The following EFCAB11 variants were observed in gnomAD, a reference collection of about 807,000 sequenced individuals.
EFCAB11 encodes the protein EF-hand calcium-binding domain-containing protein 11.
A neutral mutation model predicts 23.0 loss-of-function variants in EFCAB11; 14 were observed. That is an observed-to-expected ratio of 0.61 (90% CI 0.40 to 0.95). The LOEUF (loss-of-function observed/expected upper bound fraction) is 0.95. Ranked by LOEUF, EFCAB11 falls within the 40% of genes least tolerant of loss-of-function variation. The pLI is 0.00. For synonymous variants in EFCAB11, 65 were observed against 66.6 expected, an observed-to-expected ratio of 0.98 and a Z score of 0.11; for missense variants, 198 against 195.8, an observed-to-expected ratio of 1.01 and a Z score of -0.07.
At chr14:89,843,802 ACATTT>A (rs1887346082) in intron 5 of EFCAB11, among the ~76,000 whole-genome samples, 1 of 152,246 alleles carries the variant, frequency 6.6e-6, no homozygotes, top group Non-Finnish European at 1.5e-5. Context: ...AAACGTTAGC[ACATTT>A]CATTATACAC....
chr14:89,847,641 A>C, intron 5 of EFCAB11, among the ~76,000 whole-genome samples: 1 of 151,356 alleles, frequency 6.6e-6, no homozygotes, highest in African/African-American at 2.4e-5. Context: ...CAGGAGGCTG[A>C]GACAGGAGAA....
chr14:89,951,883 C>A (rs1486196562), intron 2 of EFCAB11, among the ~76,000 whole-genome samples: 1 of 152,118 alleles, frequency 6.6e-6, no homozygotes, highest in Non-Finnish European at 1.5e-5. Context: ...CTAGATCACG[C>A]CACTACACTC....
intron 5 of EFCAB11, among the ~76,000 whole-genome samples, chr14:89,858,748 C>T (rs1647128415): frequency 6.8e-6 from 1 of 145,990 alleles, no homozygotes; most frequent in South Asian, 2.2e-4. Flanking sequence ...GATCTGCCTG[C>T]TTTGGCCTCC....
intron 5 of EFCAB11, among the ~76,000 whole-genome samples, chr14:89,921,106 T>C (rs986245032): frequency 1.3e-4 from 19 of 148,220 alleles, no homozygotes; most frequent in African/African-American, 4.9e-4. Context: ...AAAGGCTACA[T>C]AGAAGAATGT....
intron 5 of EFCAB11, among the ~76,000 whole-genome samples, chr14:89,864,343 C>T (rs1159974202): frequency 2.0e-5 from 3 of 152,154 alleles, no homozygotes; most frequent in Non-Finnish European, 4.4e-5. Flanking sequence ...GACGGTCTAC[C>T]CTAAAAACAA....
At chr14:89,929,382 TCAC>T (rs893979506) in intron 5 of EFCAB11, among the ~76,000 whole-genome samples, 12 of 152,052 alleles carry the variant, frequency 7.9e-5, no homozygotes, top group Non-Finnish European at 1.2e-4. Context: ...TGTGCTAAAA[TCAC>T]CACAACTTTA....
intron 5 of EFCAB11, among the ~76,000 whole-genome samples, chr14:89,822,468 C>T (rs946734050): frequency 1.3e-5 from 2 of 152,158 alleles, no homozygotes; most frequent in African/African-American, 2.4e-5. Flanking sequence ...AAATTTTCAG[C>T]ACCTAGGTTG....
At chr14:89,946,087 T>A (rs1166311787) in intron 3 of EFCAB11, among the ~76,000 whole-genome samples, 1 of 151,792 alleles carries the variant, frequency 6.6e-6, no homozygotes, top group African/African-American at 2.4e-5. Flanking sequence ...TCCAGCTAAT[T>A]TTTTTGTATT....
chr14:89,832,271 C>T (rs1035399045), intron 5 of EFCAB11, among the ~76,000 whole-genome samples: 2 of 152,084 alleles, frequency 1.3e-5, no homozygotes, highest in African/African-American at 4.8e-5. Flanking sequence ...CGAGACTGCA[C>T]CACTGCACTC....
In EFCAB11 at chr14:89,797,188, G is replaced by A; in HGVS notation, c.*55C>T. On this transcript the variant is annotated 3_prime_UTR_variant, in exon 6 of 6. Transcript: ENST00000316738. ...TGACATCATTAGTAGAGTCGAGTCT[G>A]CTGACATTACAATCTATTGATCTCC... 6 of 1,491,790 alleles carry A rather than the reference G, an allele frequency of 4.0e-6. No individual in the cohort carries two copies. The highest frequency in any genetic ancestry group is 5.6e-6 in the Non-Finnish European group (6 of 1,078,228). 92.4% of individuals were successfully genotyped at this position (1,491,790 alleles called of 1,614,324 possible). A position where few individuals can be genotyped will look rare whatever the true frequency, so the allele number is the denominator to read the frequency against.
At chr14:89,898,988 A>G (rs151037106) in intron 5 of EFCAB11, among the ~76,000 whole-genome samples, 2 of 152,108 alleles carry the variant, frequency 1.3e-5, no homozygotes, top group Admixed American at 6.6e-5. Flanking sequence ...ATTTTCTTTT[A>G]TAAGTATCAT....
rs138971364 is a variant in EFCAB11, at chr14:89,872,635, A to G, written c.410+58906T>C. ...ACGGGCTGAATTGTGTCCCCCAAAA[A>G]CTCATATGCTGAAGTCCTAACCTCC... On this transcript the variant is annotated intron_variant, in intron 5 of 5. Coordinates refer to ENST00000316738, the MANE Select transcript of EFCAB11 (RefSeq NM_145231.4). 4.5e-4 allele frequency among the ~76,000 whole-genome samples: 68 copies of G among 152,146 alleles called. 2 individuals carry two copies. The highest frequency in any genetic ancestry group is 1.6e-3 in the African/African-American group (66 of 41,498).
In EFCAB11 at chr14:89,881,452, C is replaced by CATATAT. The variant is rs10530483; in HGVS notation, c.410+50083_410+50088dup. Reference sequence around the variant, plus strand: ...ATTTTTGGTCTACTTTATGACTTGGCATATATATATATATTCTTTTTTTTT... The same window carrying CATATAT: ...ATTTTTGGTCTACTTTATGACTTGGCATATATATATATATATATATTCTTTTTTTTT... On this transcript the variant is annotated intron_variant, in intron 5 of 5. Transcript: ENST00000316738. Among the ~76,000 whole-genome samples the CATATAT allele has an allele frequency of 1.6e-3, 77 of 46,760 alleles. 14 individuals carry two copies. The highest frequency in any genetic ancestry group is 0.022 in the Middle Eastern group (2 of 90). The allele number at this position is 46,760 out of a possible 152,430, so 30.7% of individuals were successfully genotyped here.
At chr14:89,833,193 G>A (rs1041391439) in intron 5 of EFCAB11, 4 of 150,802 alleles carry the variant, frequency 2.7e-5, no homozygotes, top group African/African-American at 9.7e-5. Flanking sequence ...TAAGTAGAGA[G>A]TAGCACATAA....
intron 5 of EFCAB11, chr14:89,923,668 T>C: frequency 1.0e-6 from 1 of 984,982 alleles, no homozygotes; most frequent in Non-Finnish European, 1.2e-6. Flanking sequence ...AGCAGGCAGA[T>C]ACTCAAAGAC....
Position 89,890,483 on chromosome 14 carries a change from A to T in EFCAB11, c.410+41058T>A, listed in dbSNP as rs374645067. 7.2e-5 allele frequency among the ~76,000 whole-genome samples: 11 copies of T among 152,372 alleles called. No homozygotes were observed. In the East Asian group the frequency reaches 1.9e-3, roughly 27 times the overall value. ...AAGTGATACTCTTTTCTAACACTTAATAATTCTTATTGTCTACCTAATAAA... is the reference window on the plus strand; with the variant it reads ...AAGTGATACTCTTTTCTAACACTTATTAATTCTTATTGTCTACCTAATAAA... On this transcript the variant is annotated intron_variant, in intron 5 of 5. Transcript: ENST00000316738.
intron 3 of EFCAB11, among the ~76,000 whole-genome samples, chr14:89,949,254 T>TAC (rs759440423): frequency 6.6e-6 from 1 of 151,940 alleles, no homozygotes; most frequent in African/African-American, 2.4e-5. Flanking sequence ...TCTCTATATA[T>TAC]ACACCTACAA....
chr14:89,934,826 C>T (rs1358935986), intron 3 of EFCAB11, among the ~76,000 whole-genome samples: 1 of 152,114 alleles, frequency 6.6e-6, no homozygotes, highest in African/African-American at 2.4e-5. Flanking sequence ...AAAATCTAGT[C>T]AATTAAGTAG....
chr14:89,925,422 G>A (rs1890158191), intron 5 of EFCAB11, among the ~76,000 whole-genome samples: 1 of 152,162 alleles, frequency 6.6e-6, no homozygotes, highest in Admixed American at 6.5e-5. Flanking sequence ...AAAGAGGAAA[G>A]ATGTTTCTTA....
Sources: gnomAD v4.1 joint callset for allele counts (sites outside exome capture counted in the v4.1 genomes callset) on GRCh38, gnomAD v4.1.1 for gene constraint, MANE v1.5 for transcripts, NCBI Gene and HGNC (gene_info 2026-07-23, HGNC 2026-07-21) for gene names.